CRHR1: variants seen among roughly 807,000 people sequenced by gnomAD.
CRHR1 encodes the protein corticotropin-releasing hormone receptor 1.
In CRHR1, 28 loss-of-function variants were observed where a neutral mutation model predicts 56.0. The ratio of observed to expected loss-of-function variants is 0.50; its 90% confidence interval spans 0.37 to 0.69. The LOEUF (loss-of-function observed/expected upper bound fraction) is 0.69, where lower values mean the gene tolerates loss of function less well. CRHR1 is among the 30% of genes least tolerant of loss of function. The pLI is 0.00. For synonymous variants in CRHR1, 195 were observed against 216.5 expected (o/e 0.90, Z 0.87); for missense variants, 376 against 548.0 (o/e 0.69, Z 3.13).
chr17:45,791,013 A>G (rs556508909), intron 1 of CRHR1, among the ~76,000 whole-genome samples: 70 of 152,284 alleles, frequency 4.6e-4, no homozygotes, highest in African/African-American at 1.5e-3. Flanking sequence ...GGGACAAGTG[A>G]TGGCCGCAGC....
At chr17:45,797,282 T>C (rs1191398884) in intron 1 of CRHR1, among the ~76,000 whole-genome samples, 1 of 144,932 alleles carries the variant, frequency 6.9e-6, no homozygotes, top group Non-Finnish European at 1.5e-5. Context: ...TTTCTTTCTT[T>C]CTTTTTTTTT....
chr17:45,793,599 G>T (rs1245169331), intron 1 of CRHR1, among the ~76,000 whole-genome samples: 1 of 152,196 alleles, frequency 6.6e-6, no homozygotes, highest in Non-Finnish European at 1.5e-5. Flanking sequence ...CTCCCTGTGA[G>T]TCGGTGTGGG....
intron 12 of CRHR1, 87 bp from the exon 13 acceptor site, chr17:45,834,537 A>T: frequency 6.7e-7 from 1 of 1,489,170 alleles, no homozygotes; most frequent in Non-Finnish European, 9.0e-7. Context: ...ACAGCCGCTT[A>T]CCTGCACAGC....
chr17:45,801,921 C>T (rs1455996774), intron 1 of CRHR1, among the ~76,000 whole-genome samples: 4 of 152,018 alleles, frequency 2.6e-5, no homozygotes, highest in East Asian at 1.9e-4. Flanking sequence ...GAACCCTCCC[C>T]GGGAAAATGG....
chr17:45,834,836 T>C lies in CRHR1; in HGVS notation c.*72T>C. On this transcript the variant is annotated 3_prime_UTR_variant, in exon 13 of 13. Transcript: ENST00000314537. Reference sequence around the variant, plus strand: ...TGACGGCCAGGCTCCCTGACCACCCTGCCTGTGGAGGTGACCTGTTAGGTC... The same window carrying C: ...TGACGGCCAGGCTCCCTGACCACCCCGCCTGTGGAGGTGACCTGTTAGGTC... 1 of 1,598,988 alleles carries C rather than the reference T, an allele frequency of 6.3e-7. No individual in the cohort carries two copies. Among genetic ancestry groups the C allele is most frequent in the South Asian group, 1.1e-5 (1 of 90,350 alleles).
intron 1 of CRHR1, among the ~76,000 whole-genome samples, chr17:45,785,006 GC>G (rs892032737): frequency 3.3e-5 from 5 of 152,112 alleles, no homozygotes; most frequent in African/African-American, 1.2e-4. Flanking sequence ...GACTCCGCAC[GC>G]CCCCGCCCTA....
chr17:45,834,647 G>T lies in CRHR1; in HGVS notation c.1131G>T (p.Arg377Ser). The T allele has an allele frequency of 6.2e-7, 1 of 1,613,046 alleles. No individual in the cohort carries two copies. The highest frequency in any genetic ancestry group is 8.5e-7 in the Non-Finnish European group (1 of 1,179,712). The change falls in exon 13 of 13, where the codon AGG (arginine) becomes AGT (serine). Residue 377 changes from arginine to serine, a missense_variant. By Grantham distance (110) the Arg-to-Ser change is moderately radical (BLOSUM62 -1). This residue lies in a region of CRHR1 where 369 missense variants were observed against 519.5 expected (regional missense o/e 0.71). Coordinates refer to ENST00000314537, the MANE Select transcript of CRHR1 (RefSeq NM_004382.5). ...AGGTCCGTTCTGCCATCCGGAAGAG[G>T]TGGCACCGGTGGCAGGACAAGCACT... ...NSEVRSAIRK[R>S]WHRWQDKHSI...
chr17:45,829,359 G>A (rs777136812), intron 5 of CRHR1, 38 bp downstream of exon 5: 3 of 1,572,372 alleles, frequency 1.9e-6, no homozygotes, highest in Non-Finnish European at 2.6e-6. Flanking sequence ...CTGTCCCCAG[G>A]ACCTAGAGCA....
intron 9 of CRHR1, 113 bp from the exon 10 acceptor site, chr17:45,833,339 T>C (rs1337180905): frequency 7.0e-7 from 1 of 1,436,744 alleles, no homozygotes; most frequent in Non-Finnish European, 9.8e-7. Flanking sequence ...GTCAGAGATG[T>C]GCAGGTGCTC....
At chr17:45,802,090 C>T (rs183398717) in intron 1 of CRHR1, among the ~76,000 whole-genome samples, 47 of 152,050 alleles carry the variant, frequency 3.1e-4, no homozygotes, top group Admixed American at 2.5e-3. Context: ...TTTGGGAGGC[C>T]GAGGCGGGCT....
intron 12 of CRHR1, 147 bp from the exon 13 acceptor site, chr17:45,834,477 C>T: frequency 1.2e-6 from 1 of 854,982 alleles, no homozygotes; most frequent in Non-Finnish European, 1.7e-6. Flanking sequence ...CGTGTTAAGG[C>T]TGTGAGTGTC....
chr17:45,799,697 G>A (rs1475861940), intron 1 of CRHR1: 1 of 152,214 alleles, frequency 6.6e-6, no homozygotes. Flanking sequence ...TCTGGGCCCC[G>A]AGTCAGGGTC....
chr17:45,785,415 T>C (rs2061318658), intron 1 of CRHR1, among the ~76,000 whole-genome samples: 1 of 152,258 alleles, frequency 6.6e-6, no homozygotes, highest in Non-Finnish European at 1.5e-5. Context: ...CCAAGCGCTT[T>C]CCAGAGCGTT....
In CRHR1 at chr17:45,835,583, A is replaced by C. The variant is rs1211153761; in HGVS notation, c.*819A>C. 6.6e-6 allele frequency: 1 copy of C among 152,236 alleles called. No individual in the cohort carries two copies. The highest frequency in any genetic ancestry group is 1.5e-5 in the Non-Finnish European group (1 of 68,094). 9.4% of individuals were successfully genotyped at this position (152,236 alleles called of 1,614,324 possible). ...TCCCAGCCTCTGGGGCAGAGCTTGTAGCCCTGGATGGCCTCTGGGGCAGGA... is the reference window on the plus strand; with the variant it reads ...TCCCAGCCTCTGGGGCAGAGCTTGTCGCCCTGGATGGCCTCTGGGGCAGGA... On this transcript the variant is annotated 3_prime_UTR_variant, in exon 13 of 13. Coordinates refer to ENST00000314537, the MANE Select transcript of CRHR1 (RefSeq NM_004382.5).
At chr17:45,785,233 C>T (rs544968320) in intron 1 of CRHR1, among the ~76,000 whole-genome samples, 4 of 152,364 alleles carry the variant, frequency 2.6e-5, no homozygotes, top group African/African-American at 9.6e-5. Flanking sequence ...CGCGGCCGAC[C>T]CTGCGACGCG....
rs1234017539 is a variant in CRHR1 at position 45,835,234 on chromosome 17, A to G, written c.*470A>G. 17 of 162,448 alleles carry G rather than the reference A, an allele frequency of 1.0e-4. No individual in the cohort carries two copies. The East Asian group carries it at 3.0e-3, about 29-fold the overall frequency. The allele number at this position is 162,448 out of a possible 1,614,324, so 10.1% of individuals were successfully genotyped here. On this transcript the variant is annotated 3_prime_UTR_variant, in exon 13 of 13. Coordinates refer to ENST00000314537, the MANE Select transcript of CRHR1 (RefSeq NM_004382.5). ...ACGATGACGCCTCTGGACCTCGGTGATGCCTTCCGACACCACTGGGAACCA... is the reference window on the plus strand; with the variant it reads ...ACGATGACGCCTCTGGACCTCGGTGGTGCCTTCCGACACCACTGGGAACCA...
chr17:45,830,712 T>C, intron 7 of CRHR1, 142 bp downstream of exon 7: 1 of 1,229,280 alleles, frequency 8.1e-7, no homozygotes, highest in Non-Finnish European at 1.1e-6. Flanking sequence ...AGCCCTCTGC[T>C]CCTCTTGGGG....
chr17:45,821,314 G>A (rs771804362), intron 3 of CRHR1, 41 bp from the exon 4 acceptor site: 78 of 1,585,728 alleles, frequency 4.9e-5, no homozygotes, highest in Non-Finnish European at 5.7e-5. Context: ...GGCAGGGGCC[G>A]GGGCTGCCCC....
intron 2 of CRHR1, among the ~76,000 whole-genome samples, chr17:45,812,495 C>G (rs1417514764): frequency 6.6e-6 from 1 of 152,188 alleles, no homozygotes; most frequent in Non-Finnish European, 1.5e-5. Context: ...CTCCACCTGC[C>G]AGGAGAGCAG....
Sources: allele counts gnomAD v4.1 joint callset (sites outside exome capture counted in the v4.1 genomes callset), GRCh38; gene constraint gnomAD v4.1.1; regional missense constraint gnomAD v4.1.1; transcripts MANE v1.5; gene names NCBI Gene and HGNC (gene_info 2026-07-23, HGNC 2026-07-21).